The following OPCML variants were observed in gnomAD, a reference collection of about 807,000 sequenced individuals.
OPCML encodes opioid-binding protein/cell adhesion molecule.
In OPCML, 13 loss-of-function variants were observed where a neutral mutation model predicts 37.8. The observed-to-expected ratio is 0.34, with a 90% CI of 0.22 to 0.55. The LOEUF (loss-of-function observed/expected upper bound fraction) is 0.55. Ranked by LOEUF, OPCML falls within the 20% of genes least tolerant of loss-of-function variation. OPCML has a pLI of 0.91. For missense variants in OPCML, 341 were observed against 435.6 expected (o/e 0.78, Z 1.93); for synonymous variants, 176 against 168.8 (o/e 1.04, Z -0.33).
chr11:132,485,333 G>A (rs1222803744), intron 4 of OPCML, among the ~76,000 whole-genome samples: 1 of 152,100 alleles, frequency 6.6e-6, no homozygotes, highest in Non-Finnish European at 1.5e-5. Context: ...GGAGAGAGGG[G>A]GTTCCAATTC....
At chr11:132,864,898 A>T (rs1294454025) in intron 2 of OPCML, among the ~76,000 whole-genome samples, 1 of 152,216 alleles carries the variant, frequency 6.6e-6, no homozygotes, top group Non-Finnish European at 1.5e-5. Context: ...GCCAGGCACT[A>T]TGCTGAGAGC....
chr11:132,454,894 T>C (rs112676538), intron 4 of OPCML, among the ~76,000 whole-genome samples: 12 of 152,114 alleles, frequency 7.9e-5, no homozygotes, highest in African/African-American at 2.9e-4. Context: ...TTCAGTAGGG[T>C]TTAATAATCA....
chr11:133,227,740 G>A (rs753008103), intron 1 of OPCML, among the ~76,000 whole-genome samples: 7 of 152,186 alleles, frequency 4.6e-5, no homozygotes, highest in Non-Finnish European at 7.3e-5. Context: ...GCAGAGCAAA[G>A]CCAGACAGCA....
At chr11:132,437,408 G>A (rs980724299) in intron 4 of OPCML, 49 bp from the exon 5 acceptor site, 2 of 1,601,378 alleles carry the variant, frequency 1.2e-6, no homozygotes, top group Admixed American at 3.5e-5. Context: ...TGTGTAACCA[G>A]GGACAGAACC....
At chr11:132,953,799 C>G (rs1945915866) in intron 1 of OPCML, among the ~76,000 whole-genome samples, 1 of 152,128 alleles carries the variant, frequency 6.6e-6, no homozygotes, top group East Asian at 1.9e-4. Context: ...AGCAATGGAC[C>G]AAGCTTCTCT....
chr11:133,160,334 C>T (rs539653282), intron 1 of OPCML, among the ~76,000 whole-genome samples: 24 of 152,252 alleles, frequency 1.6e-4, no homozygotes, highest in African/African-American at 5.3e-4. Flanking sequence ...TATGTGCAGG[C>T]GTTCATGTGA....
At chr11:133,122,651 C>T (rs1565458405) in intron 1 of OPCML, among the ~76,000 whole-genome samples, 1 of 152,116 alleles carries the variant, frequency 6.6e-6, no homozygotes, top group East Asian at 1.9e-4. Flanking sequence ...TCAAAATATA[C>T]TTCCCCTCCC....
chr11:132,802,771 C>T (rs1014463775), intron 2 of OPCML, among the ~76,000 whole-genome samples: 1 of 152,068 alleles, frequency 6.6e-6, no homozygotes, highest in African/African-American at 2.4e-5. Context: ...TCTCCAGTTT[C>T]CAGGGCCATA....
chr11:133,008,283 A>G (rs1295113997), intron 1 of OPCML: 3 of 985,296 alleles, frequency 3.0e-6, no homozygotes, highest in Middle Eastern at 5.2e-4. Context: ...AGAGTTGACA[A>G]TCAATTGTGG....
chr11:132,721,931 G>C (rs1441537312), intron 2 of OPCML, among the ~76,000 whole-genome samples: 1 of 138,248 alleles, frequency 7.2e-6, no homozygotes, highest in Non-Finnish European at 1.6e-5. Flanking sequence ...CAAAGGGAAT[G>C]TATTTTTTCT....
intron 4 of OPCML, among the ~76,000 whole-genome samples, chr11:132,479,318 G>A (rs944590229): frequency 6.6e-6 from 1 of 152,168 alleles, no homozygotes; most frequent in African/African-American, 2.4e-5. Flanking sequence ...TTTTCCGACG[G>A]GCTTAAAAAA....
chr11:133,226,615 T>A (rs1565515882), intron 1 of OPCML, among the ~76,000 whole-genome samples: 1 of 152,216 alleles, frequency 6.6e-6, no homozygotes. Context: ...TAATCACATG[T>A]GATATTTTAA....
chr11:132,550,510 A>G (rs930159643), intron 3 of OPCML, among the ~76,000 whole-genome samples: 13 of 152,178 alleles, frequency 8.5e-5, no homozygotes, highest in African/African-American at 2.4e-4. Flanking sequence ...GGCCTCCCCA[A>G]AAAGCAAGCA....
intron 7 of OPCML, among the ~76,000 whole-genome samples, chr11:132,425,626 A>G (rs2095975513): frequency 6.6e-6 from 1 of 152,238 alleles, no homozygotes; most frequent in Non-Finnish European, 1.5e-5. Flanking sequence ...TTGCTAATCC[A>G]TAAAACAGCA....
At chr11:133,301,342 T>G (rs886217557) in intron 1 of OPCML, 1 of 152,198 alleles carries the variant, frequency 6.6e-6, no homozygotes, top group African/African-American at 2.4e-5. Context: ...CTCACAAGCT[T>G]TTCTACAAAT....
At chr11:132,926,676 GA>G (rs1291282986) in intron 2 of OPCML, among the ~76,000 whole-genome samples, 8 of 151,272 alleles carry the variant, frequency 5.3e-5, no homozygotes, top group Middle Eastern at 3.4e-3. Context: ...GGCATACAAA[GA>G]AACAGTAAAA....
chr11:132,489,169 C>G (rs1222245243), intron 4 of OPCML, among the ~76,000 whole-genome samples: 2 of 151,314 alleles, frequency 1.3e-5, no homozygotes, highest in African/African-American at 4.9e-5. Context: ...TTTAAAAATT[C>G]AGACATAAAC....
intron 2 of OPCML, among the ~76,000 whole-genome samples, chr11:132,902,850 A>G (rs1448417666): frequency 1.3e-5 from 2 of 152,172 alleles, no homozygotes; most frequent in African/African-American, 4.8e-5. Flanking sequence ...CACCACACCC[A>G]GATAGACTTT....
At chr11:132,727,249 T>G (rs1944918913) in intron 2 of OPCML, among the ~76,000 whole-genome samples, 1 of 152,184 alleles carries the variant, frequency 6.6e-6, no homozygotes, top group Non-Finnish European at 1.5e-5. Context: ...GTAAGTGGAT[T>G]GCAAACCCAG....
Sources: allele counts gnomAD v4.1 joint callset (sites outside exome capture counted in the v4.1 genomes callset), GRCh38; gene constraint gnomAD v4.1.1; transcripts MANE v1.5; gene names NCBI Gene and HGNC (gene_info 2026-07-23, HGNC 2026-07-21).